Variants in SCIMP observed in about 807,000 individuals in gnomAD.
The protein encoded by SCIMP is SLP adaptor and CSK interacting membrane protein.
SCIMP carries 18 observed loss-of-function variants against 22.0 expected under a neutral mutation model. That is an observed-to-expected ratio of 0.82 (90% CI 0.56 to 1.21). The LOEUF (loss-of-function observed/expected upper bound fraction) is 1.21. Ranked by LOEUF, SCIMP falls within the 50% of genes most tolerant of loss-of-function variation. The probability of loss-of-function intolerance (pLI) is 0.00; values close to 1 mark genes in which losing one functional copy is unlikely to be tolerated. For missense variants in SCIMP, 155 were observed against 171.2 expected, an observed-to-expected ratio of 0.91 and a Z score of 0.53; for synonymous variants, 53 against 62.2, an observed-to-expected ratio of 0.85 and a Z score of 0.70.
chr17:5,232,029 C>A (rs183919441), intron 1 of SCIMP, among the ~76,000 whole-genome samples: 2,488 of 151,708 alleles, frequency 0.016, 54 homozygotes, highest in African/African-American at 0.051. Flanking sequence ...GCACTCCAGC[C>A]TGGGCGACAG....
intron 1 of SCIMP, among the ~76,000 whole-genome samples, chr17:5,234,179 G>A (rs4069687): frequency 6.6e-6 from 1 of 151,928 alleles, no homozygotes; most frequent in East Asian, 1.9e-4. Context: ...GCTGAGGCAG[G>A]AGAATCGCTT....
intron 2 of SCIMP, among the ~76,000 whole-genome samples, chr17:5,221,833 C>T (rs778383362): frequency 3.4e-4 from 51 of 152,084 alleles, no homozygotes; most frequent in Non-Finnish European, 6.6e-4. Context: ...AGTGCAGTGG[C>T]GCAATCTCGG....
At chr17:5,217,745 TC>T (rs1194479492) in intron 3 of SCIMP, among the ~76,000 whole-genome samples, 1 of 151,984 alleles carries the variant, frequency 6.6e-6, no homozygotes, top group Non-Finnish European at 1.5e-5. Context: ...CATGAACTCA[TC>T]ATTTTTTATG....
intron 4 of SCIMP, among the ~76,000 whole-genome samples, chr17:5,211,536 A>G (rs1450122261): frequency 6.6e-6 from 1 of 151,944 alleles, no homozygotes; most frequent in Non-Finnish European, 1.5e-5. Context: ...AAAAAAAAAA[A>G]AGAATGGATG....
chr17:5,210,920 A>G lies in SCIMP; in HGVS notation c.319T>C (p.Tyr107His), dbSNP rs913435955. 18 of 1,613,646 alleles carry G rather than the reference A, an allele frequency of 1.1e-5. No homozygotes were observed. The Admixed American group carries it at 1.7e-4, about 15-fold the overall frequency. The change falls in exon 5 of 5, where the codon TAC becomes CAC. Residue 107 changes from tyrosine (Y) to histidine (H), a missense_variant. Physicochemically the swap from Tyr to His is moderately conservative, Grantham distance 83. Transcript: ENST00000574081. Reference sequence around the variant, plus strand: ...TTTTTAACTTTATTTACCAGTGAGTATGTAGCGGGCGGCTGACTTGGGGCT... The same window carrying G: ...TTTTTAACTTTATTTACCAGTGAGTGTGTAGCGGGCGGCTGACTTGGGGCT... The part of the protein sequence containing the change: ...QEAPSQPPAT[Y>H]SLVNKVKNKK...
chr17:5,224,358 C>G (rs1208757781), intron 1 of SCIMP, among the ~76,000 whole-genome samples: 1 of 151,948 alleles, frequency 6.6e-6, no homozygotes, highest in Non-Finnish European at 1.5e-5. Flanking sequence ...AGGATAGTCT[C>G]GATCTCCTGA....
chr17:5,212,471 A>G (rs537324261), intron 4 of SCIMP, among the ~76,000 whole-genome samples: 3 of 152,264 alleles, frequency 2.0e-5, no homozygotes, highest in African/African-American at 7.2e-5. Context: ...CATCTCTACT[A>G]AAAATACAAA....
At position 5,209,844 on chromosome 17, in the gene SCIMP, A is replaced by G. The variant is rs2074514143; in HGVS notation, c.*957T>C. The G allele has an allele frequency of 6.6e-6, 1 of 152,216 alleles. No individual in the cohort carries two copies. 9.4% of individuals were successfully genotyped at this position (152,216 alleles called of 1,614,324 possible). A position where few individuals can be genotyped will look rare whatever the true frequency, so the allele number is the denominator to read the frequency against. ...ACCTTCTGCCTCCTCCCAGATGCCC[A>G]GGGACAGTGATCTGGAAGGAAGGGG... On this transcript the variant is annotated 3_prime_UTR_variant, in exon 5 of 5. Transcript: ENST00000574081.
intron 1 of SCIMP, among the ~76,000 whole-genome samples, chr17:5,234,383 C>T (rs1015582287): frequency 2.0e-5 from 3 of 151,510 alleles, no homozygotes; most frequent in Non-Finnish European, 2.9e-5. Flanking sequence ...AACACACCAT[C>T]GGCATCCAGA....
At chr17:5,224,356 C>T (rs559409792) in intron 1 of SCIMP, among the ~76,000 whole-genome samples, 1 of 152,154 alleles carries the variant, frequency 6.6e-6, no homozygotes, top group East Asian at 1.9e-4. Flanking sequence ...CCAGGATAGT[C>T]TCGATCTCCT....
At chr17:5,225,697 G>A (rs1482740079) in intron 1 of SCIMP, among the ~76,000 whole-genome samples, 1 of 151,982 alleles carries the variant, frequency 6.6e-6, no homozygotes, top group Non-Finnish European at 1.5e-5. Context: ...GGGAGTCAGA[G>A]GTTGCGGTGA....
At chr17:5,215,841 A>G (rs943711091) in intron 3 of SCIMP, among the ~76,000 whole-genome samples, 2 of 152,174 alleles carry the variant, frequency 1.3e-5, no homozygotes, top group African/African-American at 4.8e-5. Context: ...ACAGACACAT[A>G]AAATTTGCCA....
chr17:5,217,810 C>T (rs534902650), intron 3 of SCIMP, among the ~76,000 whole-genome samples: 4 of 151,980 alleles, frequency 2.6e-5, no homozygotes, highest in East Asian at 1.9e-4. Context: ...TCCATTCTAT[C>T]GTTGTTGGAC....
intron 4 of SCIMP, chr17:5,213,359 A>C (rs1598154807): frequency 2.4e-6 from 1 of 424,822 alleles, no homozygotes. Context: ...CGATCCCCCC[A>C]CCTCAGCCTT....
chr17:5,217,163 C>T (rs1314055316), intron 3 of SCIMP, among the ~76,000 whole-genome samples: 3 of 152,158 alleles, frequency 2.0e-5, no homozygotes, highest in Non-Finnish European at 4.4e-5. Context: ...GCTCCTCTCA[C>T]TTTCTCCTCC....
chr17:5,209,716 A>G lies in SCIMP; in HGVS notation c.*1085T>C, dbSNP rs977736426. The G allele has an allele frequency of 4.6e-5, 7 of 152,074 alleles. No homozygotes were observed. Among genetic ancestry groups the G allele is most frequent in the Admixed American group, 3.3e-4 (5 of 15,272 alleles). The allele number at this position is 152,074 out of a possible 1,614,324, so 9.4% of individuals were successfully genotyped here. A position where few individuals can be genotyped will look rare whatever the true frequency, so the allele number is the denominator to read the frequency against. On this transcript the variant is annotated 3_prime_UTR_variant, in exon 5 of 5. Coordinates refer to ENST00000574081, the MANE Select transcript of SCIMP (RefSeq NM_207103.3). ...AGGAATTGATGAGGTCTAAGAGCCTATAAAGCTGACTCGGGCCTTGTTGAC... is the reference window on the plus strand; with the variant it reads ...AGGAATTGATGAGGTCTAAGAGCCTGTAAAGCTGACTCGGGCCTTGTTGAC...
chr17:5,215,022 A>C, intron 3 of SCIMP, 24 bp from the exon 4 acceptor site: 1 of 1,536,482 alleles, frequency 6.5e-7, no homozygotes, highest in Non-Finnish European at 9.0e-7. Context: ...AAGAGAGAGA[A>C]TCAGTGTTTG....
At chr17:5,217,380 TTGTGTGTGTGTGTG>T (rs10554192) in intron 3 of SCIMP, among the ~76,000 whole-genome samples, 2 of 148,944 alleles carry the variant, frequency 1.3e-5, no homozygotes, top group African/African-American at 5.0e-5. Context: ...TTTTGTTTGC[TTGTGTGTGTGTGTG>T]TGTGTGTGTG....
intron 3 of SCIMP, among the ~76,000 whole-genome samples, chr17:5,216,278 C>T (rs1450234048): frequency 6.6e-6 from 1 of 152,132 alleles, no homozygotes; most frequent in African/African-American, 2.4e-5. Context: ...GAACAATCTA[C>T]AACTACACAC....
Sources: allele counts gnomAD v4.1 joint callset (sites outside exome capture counted in the v4.1 genomes callset), GRCh38; gene constraint gnomAD v4.1.1; transcripts MANE v1.5; gene names NCBI Gene and HGNC (gene_info 2026-07-23, HGNC 2026-07-21).